POLA1: variants seen among roughly 807,000 people sequenced by gnomAD.
POLA1 encodes DNA polymerase alpha catalytic subunit.
In POLA1, 15 loss-of-function variants were observed where a neutral mutation model predicts 124.0. That is an observed-to-expected ratio of 0.12 (90% CI 0.08 to 0.19). The LOEUF is 0.19. Ranked by LOEUF, POLA1 falls within the 10% of genes least tolerant of loss-of-function variation. The pLI is 1.00. For synonymous variants in POLA1, 408 were observed against 389.4 expected (o/e 1.05, Z -0.56); for missense variants, 886 against 1,103.4 (o/e 0.80, Z 2.79).
At chrX:24,787,447 C>T (rs2045388266) in intron 26 of POLA1, among the ~76,000 whole-genome samples, 1 of 111,647 alleles carries the variant, frequency 9.0e-6, no homozygotes, top group African/African-American at 3.3e-5. Flanking sequence ...TCTAGTTTTC[C>T]CAGTACCATT....
At chrX:24,749,150 TA>T (rs1306081174) in intron 26 of POLA1, among the ~76,000 whole-genome samples, 158 bp downstream of exon 26, 1 of 111,737 alleles carries the variant, frequency 8.9e-6, no homozygotes, top group Non-Finnish European at 1.9e-5. Flanking sequence ...GGCATTTAAA[TA>T]AGGTTTCATT....
intron 35 of POLA1, among the ~76,000 whole-genome samples, chrX:24,905,197 T>C (rs911941070): frequency 8.2e-5 from 9 of 109,748 alleles, no homozygotes; most frequent in African/African-American, 2.7e-4. Flanking sequence ...GCAAAAGTTT[T>C]GACAGCTGAA....
intron 26 of POLA1, among the ~76,000 whole-genome samples, chrX:24,762,400 A>ACATGAATTTCTGAGTCTTGATAG (rs1319345111): frequency 3.3e-4 from 37 of 112,603 alleles, no homozygotes; most frequent in African/African-American, 1.1e-3. Flanking sequence ...AAGAAAAGGC[A>ACATGAATTTCTGAGTCTTGATAG]CATGAATTTC....
At chrX:24,919,827 T>TG (rs1569362766) in intron 35 of POLA1, among the ~76,000 whole-genome samples, 1 of 94,758 alleles carries the variant, frequency 1.1e-5, no homozygotes, top group Non-Finnish European at 2.0e-5. Context: ...TTTGTTTTTT[T>TG]TTTTGTTTTG....
intron 36 of POLA1, among the ~76,000 whole-genome samples, chrX:24,935,226 A>G (rs1163473568): frequency 1.8e-5 from 2 of 112,481 alleles, no homozygotes; most frequent in African/African-American, 6.5e-5. Context: ...ACAAAGGGTT[A>G]AGACTTCAAC....
chrX:24,823,618 G>T (rs981432601), intron 31 of POLA1, among the ~76,000 whole-genome samples: 9 of 111,246 alleles, frequency 8.1e-5, no homozygotes, highest in African/African-American at 2.3e-4. Context: ...TGACCAATCT[G>T]GTCTCAAACT....
At chrX:24,788,697 G>A (rs765775101) in intron 26 of POLA1, 4 of 1,202,058 alleles carry the variant, frequency 3.3e-6, no homozygotes, top group East Asian at 5.9e-5. Context: ...GATTCATATT[G>A]TGCAAGACGT....
In POLA1 at chrX:24,723,188, A is replaced by AATC; in HGVS notation, c.1123_1125dup (p.Ser375dup). 8.3e-7 allele frequency: 1 copy of AATC among 1,206,589 alleles called. No individual in the cohort carries two copies. The highest frequency in any genetic ancestry group is 1.1e-6 in the Non-Finnish European group (1 of 890,711). On this transcript the variant is annotated inframe_insertion, in exon 11 of 37. Transcript: ENST00000379068. ...TTTCTGTTTGGGAAAGTTTGGATTGAATCAGCCGAGACCCATGTGAGCTGT... is the reference window on the plus strand; with the variant it reads ...TTTCTGTTTGGGAAAGTTTGGATTGAATCATCAGCCGAGACCCATGTGAGCTGT...
At chrX:24,805,377 C>A in intron 26 of POLA1, among the ~76,000 whole-genome samples, 1 of 111,672 alleles carries the variant, frequency 9.0e-6, no homozygotes, top group Non-Finnish European at 1.9e-5. Flanking sequence ...TGCAAGAGAG[C>A]CTTGTGTGAC....
At chrX:24,694,972 T>C (rs1051863133) in intron 1 of POLA1, among the ~76,000 whole-genome samples, 1 of 112,208 alleles carries the variant, frequency 8.9e-6, no homozygotes, top group Non-Finnish European at 1.9e-5. Flanking sequence ...ATGTTGGGTG[T>C]AAGTATGTGA....
chrX:24,993,678 C>T (rs939442172), intron 36 of POLA1, among the ~76,000 whole-genome samples: 9 of 111,876 alleles, frequency 8.0e-5, no homozygotes, highest in Non-Finnish European at 1.5e-4. Context: ...CCCCACCAGC[C>T]CCTGTCCCTG....
chrX:24,818,311 A>G (rs913696254), intron 30 of POLA1, among the ~76,000 whole-genome samples: 9 of 111,148 alleles, frequency 8.1e-5, no homozygotes, highest in Non-Finnish European at 1.7e-4. Flanking sequence ...TTAACATTGC[A>G]CTGAAGAATA....
At chrX:24,967,686 T>G (rs2048240418) in intron 36 of POLA1, among the ~76,000 whole-genome samples, 1 of 92,888 alleles carries the variant, frequency 1.1e-5, no homozygotes, top group South Asian at 5.3e-4. Context: ...AAAAAGAAAT[T>G]GGATTTTACT....
chrX:24,727,046 T>C lies in POLA1; in HGVS notation c.1506T>C (p.Pro502=), dbSNP rs1049964850. ...TGATGAACAGAAAGATCAAAGGACC[T>C]TGTTGGCTTGAAGTAAAAAGTCCAC... ...LFLMNRKIKG[P]CWLEVKSPQL... Residue 502 remains proline (P), a synonymous_variant, in exon 14 of 37, where the codon CCT becomes CCC. Transcript: ENST00000379068. 4 of 1,203,812 alleles carry C rather than the reference T, an allele frequency of 3.3e-6. No homozygotes were observed. The highest frequency in any genetic ancestry group is 3.4e-6 in the Non-Finnish European group (3 of 891,099).
chrX:24,703,916 G>A (rs1215840844), intron 3 of POLA1, among the ~76,000 whole-genome samples: 1 of 111,659 alleles, frequency 9.0e-6, no homozygotes, highest in African/African-American at 3.3e-5. Flanking sequence ...TCACTTGTAG[G>A]GTCTGACTTC....
chrX:24,860,705 T>C (rs1206054235), intron 34 of POLA1, among the ~76,000 whole-genome samples: 1 of 112,733 alleles, frequency 8.9e-6, no homozygotes, highest in Non-Finnish European at 1.9e-5. Flanking sequence ...TGTCAGACCA[T>C]CACTAGCCAT....
chrX:24,748,997 A>G lies in POLA1; in HGVS notation c.2964+5A>G. The G allele has an allele frequency of 1.7e-6, 2 of 1,184,569 alleles. No individual in the cohort carries two copies. The highest frequency in any genetic ancestry group is 1.8e-5 in the South Asian group (1 of 56,242). Reference sequence around the variant, plus strand: ...GTGACATACAAAGGAAGGGAGGTAAATGGCGTAATAACATTCACATCTCTA... The same window carrying G: ...GTGACATACAAAGGAAGGGAGGTAAGTGGCGTAATAACATTCACATCTCTA... On this transcript the variant is annotated splice_donor_5th_base_variant and intron_variant, in intron 26 of 36. Transcript: ENST00000379068.
chrX:24,824,135 T>C (rs756622580), intron 31 of POLA1, among the ~76,000 whole-genome samples: 1 of 112,112 alleles, frequency 8.9e-6, no homozygotes, highest in South Asian at 3.7e-4. Flanking sequence ...GTTGTCTCTC[T>C]GAAGTATGTA....
intron 31 of POLA1, among the ~76,000 whole-genome samples, chrX:24,824,479 T>C (rs1185579566): frequency 9.8e-6 from 1 of 102,414 alleles, no homozygotes; most frequent in Non-Finnish European, 2.0e-5. Context: ...TTTTTTTTTT[T>C]TGGTCAAAAA....
Sources: gnomAD v4.1 joint callset for allele counts (sites outside exome capture counted in the v4.1 genomes callset) on GRCh38, gnomAD v4.1.1 for gene constraint, MANE v1.5 for transcripts, NCBI Gene and HGNC (gene_info 2026-07-23, HGNC 2026-07-21) for gene names.